The following SOX5 variants were observed in gnomAD, a reference collection of about 807,000 sequenced individuals.
SOX5 encodes SRY-box transcription factor 5, also known as transcription factor SOX-5.
Under a neutral mutation model 92.0 loss-of-function variants are expected in SOX5, and 9 were observed. The ratio of observed to expected loss-of-function variants is 0.10; its 90% CI spans 0.06 to 0.17. The LOEUF (loss-of-function observed/expected upper bound fraction) is 0.17. SOX5 is among the 10% of genes least tolerant of loss of function. The pLI, the probability that SOX5 is intolerant of heterozygous loss-of-function variation, is 1.00. For synonymous variants in SOX5, 344 were observed against 336.3 expected, an observed-to-expected ratio of 1.02 and a Z score of -0.25; for missense variants, 642 against 944.5, an observed-to-expected ratio of 0.68 and a Z score of 4.20.
rs569456272 is a variant in SOX5, at chr12:24,482,174, T to C, written c.-251+80155A>G. Among the ~76,000 whole-genome samples, 4 of 152,320 alleles carry C rather than the reference T, an allele frequency of 2.6e-5. No homozygotes were observed. The East Asian group carries it at 7.7e-4, about 29-fold the overall frequency. ...GAGAAGTAGCTAGTGCTGCCATTTA[T>C]GCATGGATACACTGTACACTCACAC... On this transcript the variant is annotated intron_variant, in intron 1 of 4. Transcript: ENST00000446891.
chr12:23,960,489 A>G (rs1374815734), intron 4 of SOX5, among the ~76,000 whole-genome samples: 45 of 139,874 alleles, frequency 3.2e-4, no homozygotes, highest in Non-Finnish European at 1.2e-4. Flanking sequence ...TTTTATATAT[A>G]TTTATATACA....
At chr12:24,224,290 A>C (rs1381985444) in intron 3 of SOX5, among the ~76,000 whole-genome samples, 2 of 152,084 alleles carry the variant, frequency 1.3e-5, no homozygotes. Flanking sequence ...ACTTAGAGCT[A>C]AGTCTCCATT....
chr12:24,082,107 T>G (rs1363093050), intron 4 of SOX5, among the ~76,000 whole-genome samples: 1 of 151,902 alleles, frequency 6.6e-6, no homozygotes, highest in African/African-American at 2.4e-5. Context: ...TTCGAGCATG[T>G]GTAACAAAGC....
intron 1 of SOX5, among the ~76,000 whole-genome samples, chr12:24,477,189 A>G (rs569328237): frequency 3.9e-4 from 59 of 149,990 alleles, no homozygotes; most frequent in African/African-American, 1.4e-3. Flanking sequence ...GCTGGAGTTC[A>G]GTGGCACGAT....
At chr12:23,557,245 A>G (rs1238909645) in intron 11 of SOX5, among the ~76,000 whole-genome samples, 1 of 152,204 alleles carries the variant, frequency 6.6e-6, no homozygotes, top group Non-Finnish European at 1.5e-5. Flanking sequence ...CAAAAATGAA[A>G]CTACTGTCAT....
At chr12:23,779,812 TATAC>T (rs1450284537) in intron 3 of SOX5, among the ~76,000 whole-genome samples, 132 of 74,592 alleles carry the variant, frequency 1.8e-3, no homozygotes, top group South Asian at 0.017. Flanking sequence ...TATATATATA[TATAC>T]ACACACACAC....
At chr12:23,570,540 G>A (rs183525388) in intron 10 of SOX5, among the ~76,000 whole-genome samples, 2 of 152,026 alleles carry the variant, frequency 1.3e-5, no homozygotes, top group East Asian at 3.9e-4. Flanking sequence ...CACTTTGGGG[G>A]GCTGACGTGG....
chr12:24,477,219 C>T (rs1945493827), intron 1 of SOX5, among the ~76,000 whole-genome samples: 1 of 151,660 alleles, frequency 6.6e-6, no homozygotes, highest in African/African-American at 2.4e-5. Context: ...CTGCAACCTC[C>T]ACCTCCTGGG....
intron 4 of SOX5, among the ~76,000 whole-genome samples, chr12:24,021,206 A>C (rs1954246664): frequency 6.6e-6 from 1 of 152,204 alleles, no homozygotes; most frequent in African/African-American, 2.4e-5. Context: ...AAGGTATCAG[A>C]AGGCAAGGTT....
At chr12:23,799,135 G>A (rs987659306) in intron 3 of SOX5, among the ~76,000 whole-genome samples, 2 of 151,902 alleles carry the variant, frequency 1.3e-5, no homozygotes, top group Admixed American at 1.3e-4. Context: ...GAGTATTTTG[G>A]TGATATCAGC....
chr12:24,266,406 T>C (rs1457334936), intron 3 of SOX5, among the ~76,000 whole-genome samples: 1 of 152,160 alleles, frequency 6.6e-6, no homozygotes, highest in African/African-American at 2.4e-5. Flanking sequence ...TAATGTGCAC[T>C]GTGTGAAATG....
chr12:23,948,602 T>C (rs2139769740), intron 1 of SOX5, among the ~76,000 whole-genome samples: 1 of 145,752 alleles, frequency 6.9e-6, no homozygotes, highest in Middle Eastern at 3.5e-3. Context: ...TTTTTTAGCT[T>C]TTTTTTTTTT....
At chr12:24,292,368 T>C (rs908971041) in intron 2 of SOX5, among the ~76,000 whole-genome samples, 2 of 152,202 alleles carry the variant, frequency 1.3e-5, no homozygotes. Flanking sequence ...TATTTAAAAG[T>C]TGCATAAATA....
intron 2 of SOX5, among the ~76,000 whole-genome samples, chr12:23,881,771 G>GTGTT (rs2096993208): frequency 6.6e-6 from 1 of 152,134 alleles, no homozygotes; most frequent in Non-Finnish European, 1.5e-5. Flanking sequence ...GAGATATTCA[G>GTGTT]TGTTATAAGC....
chr12:23,835,345 C>T (rs1002015691), intron 3 of SOX5, among the ~76,000 whole-genome samples: 5 of 151,846 alleles, frequency 3.3e-5, no homozygotes, highest in African/African-American at 1.2e-4. Context: ...TGGATTCTTG[C>T]TTTAGATTTA....
chr12:23,640,421 T>C (rs1389160507), intron 8 of SOX5, among the ~76,000 whole-genome samples: 1 of 152,194 alleles, frequency 6.6e-6, no homozygotes, highest in Non-Finnish European at 1.5e-5. Context: ...ATACTGGGCA[T>C]CCTGAGCAAT....
intron 3 of SOX5, among the ~76,000 whole-genome samples, chr12:23,813,093 T>A (rs1445203666): frequency 6.6e-6 from 1 of 152,200 alleles, no homozygotes; most frequent in East Asian, 1.9e-4. Context: ...CTTTTTTGCC[T>A]TATGGTTATT....
chr12:24,286,533 T>C (rs539620839), intron 2 of SOX5, among the ~76,000 whole-genome samples: 55 of 151,568 alleles, frequency 3.6e-4, no homozygotes, highest in Non-Finnish European at 6.2e-4. Flanking sequence ...AACAAGAGTT[T>C]TTTAAATATA....
intron 1 of SOX5, among the ~76,000 whole-genome samples, chr12:24,548,578 C>A (rs1952867112): frequency 6.6e-6 from 1 of 152,122 alleles, no homozygotes; most frequent in African/African-American, 2.4e-5. Flanking sequence ...GATTTAAGCA[C>A]CTACTTTTTA....
Sources: allele counts gnomAD v4.1 joint callset (sites outside exome capture counted in the v4.1 genomes callset), GRCh38; gene constraint gnomAD v4.1.1; transcripts MANE v1.5; gene names NCBI Gene and HGNC (gene_info 2026-07-23, HGNC 2026-07-21).